GALNTL5: variants seen among roughly 807,000 people sequenced by gnomAD.
GALNTL5 encodes the protein polypeptide N-acetylgalactosaminyltransferase like 5, also known as inactive polypeptide N-acetylgalactosaminyltransferase-like protein 5.
In GALNTL5, 44 loss-of-function variants were observed where a neutral mutation model predicts 51.0. The observed-to-expected ratio is 0.86, with a 90% confidence interval of 0.68 to 1.11. The LOEUF is 1.11. Among genes scored for constraint, GALNTL5 ranks in the 50% least tolerant of loss-of-function variants. The pLI is 0.00. For synonymous variants in GALNTL5, 192 were observed against 182.8 expected (o/e 1.05, Z -0.41); for missense variants, 528 against 531.8 (o/e 0.99, Z 0.07).
chr7:151,993,171 C>T (rs55696825), intron 5 of GALNTL5, among the ~76,000 whole-genome samples: 41,282 of 150,616 alleles, frequency 0.27, 5,747 homozygotes, highest in South Asian at 0.42. Flanking sequence ...GAGGTGGAGG[C>T]TGCAGTGAGC....
intron 5 of GALNTL5, among the ~76,000 whole-genome samples, chr7:151,995,544 A>G (rs13310907): frequency 0.41 from 61,148 of 150,936 alleles, 12,868 homozygotes; most frequent in East Asian, 0.65. Flanking sequence ...TTGCAGGGAA[A>G]CAGTGTCTTC....
At chr7:151,992,548 T>C (rs2081440409) in intron 5 of GALNTL5, among the ~76,000 whole-genome samples, 1 of 152,108 alleles carries the variant, frequency 6.6e-6, no homozygotes, top group Non-Finnish European at 1.5e-5. Context: ...GCGTCCTCCC[T>C]GTGTGTCTGT....
intron 5 of GALNTL5, among the ~76,000 whole-genome samples, chr7:151,989,128 A>G (rs890898151): frequency 6.6e-6 from 1 of 151,716 alleles, no homozygotes; most frequent in Non-Finnish European, 1.5e-5. Context: ...GCTGTGTTGT[A>G]TGATATTTCA....
intron 7 of GALNTL5, among the ~76,000 whole-genome samples, chr7:152,011,017 G>A (rs971980442): frequency 2.6e-4 from 40 of 152,102 alleles, no homozygotes; most frequent in African/African-American, 9.7e-4. Context: ...AACCTGTAAG[G>A]TAAGTACCAC....
chr7:151,959,692 C>G (rs1399333526), intron 1 of GALNTL5, among the ~76,000 whole-genome samples: 1 of 152,210 alleles, frequency 6.6e-6, no homozygotes, highest in Admixed American at 6.5e-5. Context: ...CCTTTGGGAA[C>G]ACTCTCCTTC....
At chr7:151,957,393 A>G (rs1371307980) in intron 1 of GALNTL5, among the ~76,000 whole-genome samples, 1 of 151,088 alleles carries the variant, frequency 6.6e-6, no homozygotes, top group Non-Finnish European at 1.5e-5. Context: ...AAAAAAAAAA[A>G]AAAAAAACAG....
At chr7:152,008,080 T>A in intron 7 of GALNTL5, 136 bp downstream of exon 7, 1 of 599,324 alleles carries the variant, frequency 1.7e-6, no homozygotes, top group Admixed American at 3.0e-5. Flanking sequence ...AATAAACAAT[T>A]TATGGGGCTC....
At chr7:151,995,450 T>G (rs2081488100) in intron 5 of GALNTL5, 1 of 138,798 alleles carries the variant, frequency 7.2e-6, no homozygotes, top group South Asian at 2.3e-4. Flanking sequence ...AAACCATGGA[T>G]AGTGATGAAA....
intron 1 of GALNTL5, among the ~76,000 whole-genome samples, chr7:151,957,239 G>A (rs189418403): frequency 9.2e-5 from 14 of 151,800 alleles, no homozygotes; most frequent in African/African-American, 3.4e-4. Context: ...TGATTCAATA[G>A]ACTCGTATTT....
At chr7:152,002,167 C>T (rs2151956631) in intron 5 of GALNTL5, among the ~76,000 whole-genome samples, 1 of 152,142 alleles carries the variant, frequency 6.6e-6, no homozygotes, top group South Asian at 2.1e-4. Context: ...GTAATCCCAG[C>T]TACTTGGGAG....
chr7:151,996,900 G>A (rs1028528264), intron 5 of GALNTL5, among the ~76,000 whole-genome samples: 25 of 151,990 alleles, frequency 1.6e-4, no homozygotes, highest in East Asian at 5.8e-4. Flanking sequence ...AATGAGTTAC[G>A]TTTAAGGGTG....
At chr7:151,982,039 A>G (rs1313428852) in intron 3 of GALNTL5, among the ~76,000 whole-genome samples, 1 of 152,066 alleles carries the variant, frequency 6.6e-6, no homozygotes, top group African/African-American at 2.4e-5. Context: ...ATATATCTAA[A>G]TAATAATTAA....
chr7:151,991,086 G>T (rs911756235), intron 5 of GALNTL5, among the ~76,000 whole-genome samples: 1 of 149,140 alleles, frequency 6.7e-6, no homozygotes. Context: ...TGTTCTTTTT[G>T]TTGTTGTTGT....
rs756743311 is a variant in GALNTL5, at chr7:151,983,145, C to G, written c.528C>G (p.Ser176Arg). ...LEEIILVDDM[S>R]KVDDLKEKLD... ...AAATTATTTTGGTAGATGACATGAG[C>G]AAAGTTGGTAAGATAGAACACTCAT... Residue 176 changes from serine (S) to arginine (R), a missense_variant, in exon 4 of 9, where the codon AGC (serine) becomes AGG (arginine). Ser to Arg is a moderately radical substitution (Grantham distance 110). Transcript: ENST00000392800. 9 of 1,612,664 alleles carry G rather than the reference C, an allele frequency of 5.6e-6. No individual in the cohort carries two copies. In the South Asian group the frequency reaches 9.9e-5, roughly 18 times the overall value.
intron 1 of GALNTL5, among the ~76,000 whole-genome samples, chr7:151,964,047 G>A (rs2081027156): frequency 6.6e-6 from 1 of 152,126 alleles, no homozygotes; most frequent in African/African-American, 2.4e-5. Context: ...GCTGGAGTCG[G>A]CATCCAGCTG....
chr7:152,013,110 C>T (rs1286529592), intron 7 of GALNTL5, among the ~76,000 whole-genome samples: 2 of 152,098 alleles, frequency 1.3e-5, no homozygotes, highest in Non-Finnish European at 2.9e-5. Flanking sequence ...AGACTAAATA[C>T]TGCATGTTCT....
In GALNTL5 at chr7:151,983,216, CA is replaced by C; in HGVS notation, c.535+65del. ...TGTTGTTGTTGAGATTTCCCTCTGT[CA>C]CCCAGGCTGGAGTGCAGTGGTACCA... On this transcript the variant is annotated intron_variant, in intron 4 of 8. Coordinates refer to ENST00000392800, the MANE Select transcript of GALNTL5 (RefSeq NM_145292.4). 5.6e-6 allele frequency: 8 copies of C among 1,426,716 alleles called. No individual in the cohort carries two copies. In the South Asian group the frequency reaches 8.1e-5, roughly 14 times the overall value. 88.4% of individuals were successfully genotyped at this position (1,426,716 alleles called of 1,614,324 possible). A position where few individuals can be genotyped will look rare whatever the true frequency, so the allele number is the denominator to read the frequency against.
Position 151,968,308 on chromosome 7 carries a change from T to A in GALNTL5, c.247+815T>A, listed in dbSNP as rs568709763. On this transcript the variant is annotated intron_variant, in intron 2 of 8. Coordinates refer to ENST00000392800, the MANE Select transcript of GALNTL5 (RefSeq NM_145292.4). ...AGTGAGATGCTGCCTCAAAAAAAAA[T>A]AAATAAATAAAATACAAATATGAAG... 4.5e-4 allele frequency among the ~76,000 whole-genome samples: 69 copies of A among 151,744 alleles called. No homozygotes were observed. In the South Asian group the frequency reaches 1.0e-2, roughly 22 times the overall value.
In GALNTL5 at chr7:151,995,348, A is replaced by ATTTTTTTTT. The variant is rs71198750; in HGVS notation, c.659-7332_659-7324dup. The ATTTTTTTTT allele has an allele frequency of 6.7e-4, 48 of 71,170 alleles. 5 individuals are homozygous for ATTTTTTTTT. Among genetic ancestry groups the ATTTTTTTTT allele is most frequent in the African/African-American group, 1.1e-3 (23 of 20,744 alleles). 4.4% of individuals were successfully genotyped at this position (71,170 alleles called of 1,614,324 possible). ...AGAAATCTACGATCAGTTGGTATGA[A>ATTTTTTTTT]TTTTTTTTTTTTTTTTTTTTTTTTT... On this transcript the variant is annotated intron_variant, in intron 5 of 8. Transcript: ENST00000392800.
Sources: gnomAD v4.1 joint callset for allele counts (sites outside exome capture counted in the v4.1 genomes callset) on GRCh38, gnomAD v4.1.1 for gene constraint, MANE v1.5 for transcripts, NCBI Gene and HGNC (gene_info 2026-07-23, HGNC 2026-07-21) for gene names.